ZNF3: variants seen among roughly 807,000 people sequenced by gnomAD.
ZNF3 encodes C2-H2 type zinc finger protein.
ZNF3 carries 16 observed loss-of-function variants against 36.9 expected under a neutral mutation model. The ratio of observed to expected loss-of-function variants is 0.43; its 90% CI spans 0.29 to 0.66. The LOEUF is 0.66. ZNF3 is among the 30% of genes least tolerant of loss of function. The pLI, the probability that ZNF3 is intolerant of heterozygous loss-of-function variation, is 0.13. For missense variants in ZNF3, 462 were observed against 543.1 expected (o/e 0.85, Z 1.48); for synonymous variants, 201 against 201.9 (o/e 1.00, Z 0.04).
downstream of ZNF3, among the ~76,000 whole-genome samples, chr7:100,068,996 AT>A (rs531579814): frequency 0.017 from 2,530 of 146,740 alleles, 64 homozygotes; most frequent in African/African-American, 0.058. Context: ...TATATATATA[AT>A]TTTTTTTTTT....
chr7:100,077,583 AT>A (rs1012945859), intron 2 of ZNF3, 150 bp from the exon 3 acceptor site: 845 of 661,066 alleles, frequency 1.3e-3, no homozygotes, highest in Middle Eastern at 2.0e-3. Context: ...TTATTTTTTA[AT>A]TTTTTTTTTC....
upstream of ZNF3, among the ~76,000 whole-genome samples, chr7:100,082,114 T>C (rs1795067688): frequency 6.6e-6 from 1 of 152,208 alleles, no homozygotes; most frequent in Admixed American, 6.5e-5. Flanking sequence ...ATTGAAGGAT[T>C]CATCAATATT....
Position 100,071,169 on chromosome 7 carries a change from C to G in ZNF3, c.1315G>C (p.Glu439Gln). ...MSKSSLRVTT[E>Q]LNIREST ...CACGTGGACTCTCTGATATTTAACT[C>G]GGTCGTAACTCTGAGGGAGCTTTTG... Residue 439 changes from glutamate to glutamine, a missense_variant, in exon 6 of 6, where the codon GAG (glutamate) becomes CAG (glutamine). Transcript: ENST00000299667. The G allele has an allele frequency of 6.3e-7, 1 of 1,598,700 alleles. No individual in the cohort carries two copies. The highest frequency in any genetic ancestry group is 8.5e-7 in the Non-Finnish European group (1 of 1,171,524).
intron 5 of ZNF3, among the ~76,000 whole-genome samples, chr7:100,072,806 C>G (rs1793427249): frequency 6.6e-6 from 1 of 152,198 alleles, no homozygotes; most frequent in South Asian, 2.1e-4. Flanking sequence ...GCTATGCTCG[C>G]ACGTAAGGCT....
intron 5 of ZNF3, among the ~76,000 whole-genome samples, chr7:100,074,689 C>G (rs1249530437): frequency 6.6e-6 from 1 of 152,140 alleles, no homozygotes; most frequent in African/African-American, 2.4e-5. Flanking sequence ...TTGCAGACTG[C>G]TGTATAAATG....
downstream of ZNF3, among the ~76,000 whole-genome samples, chr7:100,067,683 T>C (rs796260459): frequency 5.3e-5 from 8 of 152,206 alleles, 1 homozygote; most frequent in African/African-American, 1.9e-4. Context: ...ATTACAGGCG[T>C]GAGCCACTGC....
At chr7:100,075,067 AT>A in intron 5 of ZNF3, 67 bp downstream of exon 5, 1 of 1,526,290 alleles carries the variant, frequency 6.6e-7, no homozygotes. Context: ...CAGTGACTAG[AT>A]TGTTACTAGC....
chr7:100,077,307 G>A lies in ZNF3; in HGVS notation c.51C>T (p.Asp17=). 1 of 1,613,998 alleles carries A rather than the reference G, an allele frequency of 6.2e-7. No individual in the cohort carries two copies. Among genetic ancestry groups the A allele is most frequent in the Non-Finnish European group, 8.5e-7 (1 of 1,179,986 alleles). The change falls in exon 3 of 6, where the codon GAC becomes GAT. Residue 17 remains aspartate, a synonymous_variant. Transcript: ENST00000299667. ...GAATGAGTCCTTATTCCTCACCACT[G>A]TCAAGCAGGGCCTGAGGTTCCTGAG... ...LVSQEPQALL[D]SALPSKVPAF...
At chr7:100,068,259 T>A (rs1481873895), downstream of ZNF3, among the ~76,000 whole-genome samples, 4 of 152,118 alleles carry the variant, frequency 2.6e-5, no homozygotes, top group African/African-American at 9.7e-5. Flanking sequence ...ATTTTTCTAT[T>A]TTTAGTAGAG....
chr7:100,081,111 G>A lies in ZNF3; in HGVS notation c.-198+524C>T, dbSNP rs1294638023. ...GGAGCCTGAGCCAGGTGTATCACGC[G>A]ATGCACTGGGCTCCAGCAGGATTAC... On this transcript the variant is annotated intron_variant, in intron 1 of 5. Coordinates refer to ENST00000299667, the MANE Select transcript of ZNF3 (RefSeq NM_032924.5). This position sits in a 1 kb window ranked among gnomAD's most constrained non-coding sequence, Gnocchi z 4.3. Among the ~76,000 whole-genome samples, 1 of 152,144 alleles carries A rather than the reference G, an allele frequency of 6.6e-6. No individual in the cohort carries two copies. The highest frequency in any genetic ancestry group is 2.4e-5 in the African/African-American group (1 of 41,436).
intron 5 of ZNF3, among the ~76,000 whole-genome samples, 182 bp from the exon 6 acceptor site, chr7:100,072,394 G>GCAGGGCAGAGCAAAAC (rs879916860): frequency 6.6e-5 from 10 of 152,328 alleles, no homozygotes; most frequent in Non-Finnish European, 1.0e-4. Context: ...CAGGGAAGGG[G>GCAGGGCAGAGCAAAAC]CAGGGCAGAG....
At position 100,071,513 on chromosome 7, in the gene ZNF3, C is replaced by T. The variant is rs1294023817; in HGVS notation, c.971G>A (p.Ser324Asn). Reference protein sequence around the residue: ...CNECGKAFSRSSTLIHHQRIH... With the variant: ...CNECGKAFSRNSTLIHHQRIH... ...TCTCTGATGGTGAATAAGGGTTGAG[C>T]TCCTGCTGAAGGCCTTCCCACATTC... Residue 324 changes from serine (S) to asparagine (N), a missense_variant, in exon 6 of 6, where the codon AGC becomes AAC. Ser to Asn is a conservative substitution (Grantham distance 46). Transcript: ENST00000299667. The T allele has an allele frequency of 2.5e-6, 4 of 1,613,048 alleles. No individual in the cohort carries two copies. The highest frequency in any genetic ancestry group is 3.3e-5 in the Admixed American group (2 of 59,910).
At position 100,071,089 on chromosome 7, in the gene ZNF3, A is replaced by G. The variant is rs1440978153; in HGVS notation, c.*54T>C. 13 of 1,526,398 alleles carry G rather than the reference A, an allele frequency of 8.5e-6. No individual in the cohort carries two copies. Among genetic ancestry groups the G allele is most frequent in the Non-Finnish European group, 1.1e-5 (12 of 1,140,370 alleles). 94.6% of individuals were successfully genotyped at this position (1,526,398 alleles called of 1,614,324 possible). A position where few individuals can be genotyped will look rare whatever the true frequency, so the allele number is the denominator to read the frequency against. On this transcript the variant is annotated 3_prime_UTR_variant, in exon 6 of 6. Transcript: ENST00000299667. ...CTAAGCTGTTGAGATTTATAGGGTA[A>G]GGCAAGAGCTCTTGAGACTCAGGGA...
exon 6 of ZNF3, chr7:100,064,199 G>C: frequency 6.2e-7 from 1 of 1,614,056 alleles, no homozygotes; most frequent in South Asian, 1.1e-5. Context: ...CCCTATGACT[G>C]TAAGTGTGGA....
chr7:100,079,413 C>T (rs1794642601), intron 2 of ZNF3, 123 bp downstream of exon 2: 3 of 152,274 alleles, frequency 2.0e-5, no homozygotes, highest in Admixed American at 1.3e-4. Context: ...CCATTGTGCC[C>T]CCATGGCTTC....
At chr7:100,078,495 C>CAAAAAA (rs532938420) in intron 2 of ZNF3, among the ~76,000 whole-genome samples, 1 of 88,904 alleles carries the variant, frequency 1.1e-5, no homozygotes, top group Non-Finnish European at 2.3e-5. Flanking sequence ...GACTCTGCCT[C>CAAAAAA]AAAAAAAAAA....
intron 1 of ZNF3, among the ~76,000 whole-genome samples, chr7:100,080,599 G>C (rs1169983050): frequency 6.6e-6 from 1 of 152,024 alleles, no homozygotes; most frequent in African/African-American, 2.4e-5. Flanking sequence ...ATCACTTGAG[G>C]CCAGGAGTTG....
intron 2 of ZNF3, among the ~76,000 whole-genome samples, chr7:100,078,248 G>A (rs1794426679): frequency 6.6e-6 from 1 of 151,964 alleles, no homozygotes; most frequent in African/African-American, 2.4e-5. Context: ...TGTAATCCCA[G>A]CACTTTGGGA....
intron 2 of ZNF3, chr7:100,078,716 A>G (rs1219067254): frequency 6.6e-6 from 1 of 151,812 alleles, no homozygotes; most frequent in African/African-American, 2.4e-5. Context: ...AAACAAACCA[A>G]CCAACCCTGG....
Sources: gnomAD v4.1 joint callset for allele counts (sites outside exome capture counted in the v4.1 genomes callset) on GRCh38, gnomAD v4.1.1 for gene constraint, Gnocchi (gnomAD v3.1) non-coding constraint, MANE v1.5 for transcripts, NCBI Gene and HGNC (gene_info 2026-07-23, HGNC 2026-07-21) for gene names.